The following NAV3 variants were observed in gnomAD, a reference collection of about 807,000 sequenced individuals.
The protein encoded by NAV3 is neuron navigator 3, also known as pore membrane and/or filament interacting like protein 1.
In NAV3, 87 loss-of-function variants were observed where a neutral mutation model predicts 244.7. The ratio of observed to expected loss-of-function variants is 0.36; its 90% CI spans 0.30 to 0.42. The LOEUF is 0.42. Among genes scored for constraint, NAV3 ranks in the 20% least tolerant of loss-of-function variants. The pLI is 1.00. For synonymous variants in NAV3, 1,126 were observed against 1,042.2 expected (o/e 1.08, Z -1.55); for missense variants, 2,663 against 2,893.3 (o/e 0.92, Z 1.83).
intron 34 of NAV3, among the ~76,000 whole-genome samples, chr12:78,192,553 C>A (rs1293056850): frequency 6.6e-6 from 1 of 151,406 alleles, no homozygotes; most frequent in African/African-American, 2.4e-5. Flanking sequence ...CTACAGGTGC[C>A]CACCACCACA....
chr12:77,998,588 T>C (rs928439733), intron 7 of NAV3, 112 bp downstream of exon 7: 1 of 1,163,540 alleles, frequency 8.6e-7, no homozygotes, highest in Non-Finnish European at 1.2e-6. Context: ...ATGTTATCAG[T>C]GGAGTTTCTT....
At chr12:77,951,930 A>C (rs1361545204) in intron 3 of NAV3, among the ~76,000 whole-genome samples, 3 of 151,952 alleles carry the variant, frequency 2.0e-5, no homozygotes, top group South Asian at 4.2e-4. Flanking sequence ...GGGCAGGGGG[A>C]GAGGGGAGGG....
At chr12:77,991,470 TA>T (rs5799368) in intron 5 of NAV3, among the ~76,000 whole-genome samples, 150,393 of 152,268 alleles carry the variant, frequency 0.99, 74,303 homozygotes, top group Middle Eastern at 1. Context: ...TTTCATTACA[TA>T]AAAAGGGTAC....
At chr12:77,819,833 G>A (rs900557590) in intron 2 of NAV3, among the ~76,000 whole-genome samples, 6 of 152,028 alleles carry the variant, frequency 3.9e-5, no homozygotes, top group African/African-American at 1.2e-4. Context: ...AAACAGGAAC[G>A]AGAAAGATAT....
intron 2 of NAV3, among the ~76,000 whole-genome samples, chr12:77,677,884 T>G (rs1319722956): frequency 6.6e-6 from 1 of 152,232 alleles, no homozygotes; most frequent in East Asian, 1.9e-4. Context: ...TTGCTGAGAC[T>G]GCCTGCTTTA....
At position 77,624,807 on chromosome 12, in the gene NAV3, T is replaced by A. The variant is rs184343400; in HGVS notation, c.72+52541T>A. Among the ~76,000 whole-genome samples the A allele has an allele frequency of 2.0e-5, 3 of 152,364 alleles. No individual in the cohort carries two copies. In the East Asian group the frequency reaches 5.8e-4, roughly 29 times the overall value. ...AGCCCTTTCAAATACTGTAGTATAATTCAAGGCAGCCATCCCTAATTCTTA... is the reference window on the plus strand; with the variant it reads ...AGCCCTTTCAAATACTGTAGTATAAATCAAGGCAGCCATCCCTAATTCTTA... On this transcript the variant is annotated intron_variant, in intron 2 of 8. Coordinates refer to the NAV3 transcript ENST00000550042.
At chr12:77,706,498 G>T (rs1374976582) in intron 2 of NAV3, among the ~76,000 whole-genome samples, 2 of 151,280 alleles carry the variant, frequency 1.3e-5, no homozygotes, top group Non-Finnish European at 2.9e-5. Flanking sequence ...CTGCCAGTTG[G>T]TAAGTTATGA....
At chr12:77,704,065 C>A (rs999743561) in intron 2 of NAV3, among the ~76,000 whole-genome samples, 4 of 152,062 alleles carry the variant, frequency 2.6e-5, no homozygotes, top group Admixed American at 6.5e-5. Context: ...TTAATCTGAG[C>A]CATAGAATAT....
intron 2 of NAV3, among the ~76,000 whole-genome samples, chr12:77,669,653 C>G (rs1371453795): frequency 2.0e-5 from 3 of 152,100 alleles, no homozygotes; most frequent in East Asian, 3.9e-4. Flanking sequence ...GAAAATATCA[C>G]AATCCTAAAT....
chr12:78,140,941 G>A (rs1956584733), intron 20 of NAV3, among the ~76,000 whole-genome samples: 1 of 151,394 alleles, frequency 6.6e-6, no homozygotes, highest in Non-Finnish European at 1.5e-5. Flanking sequence ...ACCCAGGCTG[G>A]AGTACAATGA....
At chr12:78,193,895 T>TC (rs1270616915) in intron 34 of NAV3, among the ~76,000 whole-genome samples, 2 of 151,988 alleles carry the variant, frequency 1.3e-5, no homozygotes, top group Non-Finnish European at 2.9e-5. Flanking sequence ...CCTTTGTGCC[T>TC]CCCCACTCTC....
intron 2 of NAV3, among the ~76,000 whole-genome samples, chr12:77,627,630 G>A (rs1046710097): frequency 9.2e-5 from 14 of 152,120 alleles, no homozygotes; most frequent in South Asian, 8.3e-4. Flanking sequence ...AGGTTTCTCC[G>A]AACTCTAAAA....
At chr12:77,895,215 A>G (rs1372098057) in intron 1 of NAV3, among the ~76,000 whole-genome samples, 1 of 152,162 alleles carries the variant, frequency 6.6e-6, no homozygotes, top group Non-Finnish European at 1.5e-5. Flanking sequence ...TTCAATATGA[A>G]TAGAGTAATC....
chr12:77,873,679 G>GTGTGTGTATATATA, intron 1 of NAV3, among the ~76,000 whole-genome samples: 1 of 107,292 alleles, frequency 9.3e-6, no homozygotes, highest in Middle Eastern at 9.6e-3. Flanking sequence ...ATTTGTATGT[G>GTGTGTGTATATATA]TATATATATA....
upstream of NAV3, among the ~76,000 whole-genome samples, chr12:77,829,740 T>C (rs1435789730): frequency 6.6e-6 from 1 of 152,234 alleles, no homozygotes; most frequent in Admixed American, 6.5e-5. Context: ...TCCTGTCTTC[T>C]ATGCTGCATC....
rs536362258 is a variant in NAV3, at chr12:78,085,620, G to A, written c.2636+26505G>A. Among the ~76,000 whole-genome samples the A allele has an allele frequency of 3.1e-4, 47 of 152,198 alleles. No individual in the cohort carries two copies. In the South Asian group the frequency reaches 9.5e-3, roughly 31 times the overall value. On this transcript the variant is annotated intron_variant, in intron 12 of 39. Transcript: ENST00000397909. ...AAGATGTAGTAGAAGGGATGGATTTGGGAAGGGAGAAGATGAATTCAGTAA... is the reference window on the plus strand; with the variant it reads ...AAGATGTAGTAGAAGGGATGGATTTAGGAAGGGAGAAGATGAATTCAGTAA...
chr12:78,036,827 G>C, intron 9 of NAV3: 1 of 646,600 alleles, frequency 1.5e-6, no homozygotes, highest in Non-Finnish European at 2.8e-6. Flanking sequence ...AAGACAATAT[G>C]AAGTCCAATT....
intron 2 of NAV3, among the ~76,000 whole-genome samples, chr12:77,821,034 CTTA>C (rs1872720872): frequency 6.6e-6 from 1 of 151,988 alleles, no homozygotes; most frequent in African/African-American, 2.4e-5. Context: ...CTCTCTCTTT[CTTA>C]TTATCTGTCT....
intron 2 of NAV3, among the ~76,000 whole-genome samples, chr12:77,739,355 T>C (rs1321232111): frequency 2.0e-5 from 3 of 152,228 alleles, no homozygotes; most frequent in African/African-American, 7.2e-5. Context: ...ATAAAGGCAT[T>C]ATACATTTCT....
Sources: allele counts gnomAD v4.1 joint callset (sites outside exome capture counted in the v4.1 genomes callset), GRCh38; gene constraint gnomAD v4.1.1; transcripts MANE v1.5; gene names NCBI Gene and HGNC (gene_info 2026-07-23, HGNC 2026-07-21).